GNB5: variants seen among roughly 807,000 people sequenced by gnomAD.
GNB5 encodes the protein guanine nucleotide-binding protein subunit beta-5.
GNB5 carries 37 observed loss-of-function variants against 55.3 expected under a neutral mutation model. The ratio of observed to expected loss-of-function variants is 0.67; its 90% CI spans 0.51 to 0.88. GNB5 has a LOEUF of 0.88. Among genes scored for constraint, GNB5 ranks in the 40% least tolerant of loss-of-function variants. GNB5 has a pLI of 0.00. For missense variants in GNB5, 476 were observed against 515.3 expected, an observed-to-expected ratio of 0.92 and a Z score of 0.74; for synonymous variants, 219 against 198.5, an observed-to-expected ratio of 1.10 and a Z score of -0.87.
chr15:52,148,320 G>A (rs1361456428), intron 5 of GNB5, among the ~76,000 whole-genome samples: 1 of 152,216 alleles, frequency 6.6e-6, no homozygotes, highest in African/African-American at 2.4e-5. Context: ...GGGAAGGTAT[G>A]AATGGGTCAG....
chr15:52,156,801 G>A (rs560987532), intron 3 of GNB5, among the ~76,000 whole-genome samples: 2 of 152,052 alleles, frequency 1.3e-5, no homozygotes, highest in Non-Finnish European at 1.5e-5. Context: ...CTACATGAAT[G>A]TTCAATTATT....
chr15:52,140,021 G>A (rs1378272365), intron 7 of GNB5: 10 of 1,128,530 alleles, frequency 8.9e-6, no homozygotes, highest in Non-Finnish European at 1.0e-5. Flanking sequence ...TGGCCACAGC[G>A]CCCCCTGGTG....
At chr15:52,179,669 C>T (rs1301112399) in intron 3 of GNB5, 99 bp downstream of exon 3, 5 of 694,662 alleles carry the variant, frequency 7.2e-6, no homozygotes, top group Admixed American at 9.5e-5. Flanking sequence ...GGCCTGGCTC[C>T]CGTCGCAGCC....
intron 6 of GNB5, among the ~76,000 whole-genome samples, chr15:52,143,580 G>A (rs1219418531): frequency 6.6e-6 from 1 of 152,216 alleles, no homozygotes; most frequent in Non-Finnish European, 1.5e-5. Context: ...TTGGGGGAAA[G>A]GGGATTGTGG....
rs2033172588 is a variant in GNB5 at position 52,117,647 on chromosome 15, T to C, written c.*5110A>G. 6.6e-6 allele frequency: 1 copy of C among 152,336 alleles called. No homozygotes were observed. The highest frequency in any genetic ancestry group is 1.5e-5 in the Non-Finnish European group (1 of 68,126). 9.4% of individuals were successfully genotyped at this position (152,336 alleles called of 1,614,324 possible). On this transcript the variant is annotated 3_prime_UTR_variant, in exon 13 of 13. Transcript: ENST00000261837. ...AGCCTGGCTCCAGCCAAGTGCTGTC[T>C]AGAAGCAGGAGTCTGTGGTATGTCT...
At chr15:52,133,763 G>C (rs2914782) in intron 8 of GNB5, among the ~76,000 whole-genome samples, 2 of 152,088 alleles carry the variant, frequency 1.3e-5, no homozygotes, top group Non-Finnish European at 2.9e-5. Flanking sequence ...ACCCTCCCCC[G>C]GGCATCTCCC....
intron 2 of GNB5, among the ~76,000 whole-genome samples, chr15:52,181,671 C>A (rs1247854380): frequency 6.6e-6 from 1 of 152,100 alleles, no homozygotes; most frequent in African/African-American, 2.4e-5. Flanking sequence ...TGGGTGAAGA[C>A]TTTAGCAGAC....
intron 9 of GNB5, among the ~76,000 whole-genome samples, chr15:52,129,377 G>C (rs1472914638): frequency 6.6e-6 from 1 of 152,128 alleles, no homozygotes; most frequent in Non-Finnish European, 1.5e-5. Flanking sequence ...AAAACATTTG[G>C]CAAAGGAGAG....
intron 3 of GNB5, among the ~76,000 whole-genome samples, chr15:52,156,991 A>G (rs981637042): frequency 1.4e-5 from 2 of 147,448 alleles, no homozygotes; most frequent in Non-Finnish European, 1.5e-5. Context: ...GCTGGAGTGC[A>G]GTGGCGGGAT....
At chr15:52,159,023 G>A (rs2141220268) in intron 3 of GNB5, among the ~76,000 whole-genome samples, 1 of 152,310 alleles carries the variant, frequency 6.6e-6, no homozygotes, top group Admixed American at 6.5e-5. Flanking sequence ...AAAAAGGTGA[G>A]TCAGATGAGA....
intron 9 of GNB5, among the ~76,000 whole-genome samples, chr15:52,131,467 G>A (rs1225541313): frequency 2.6e-5 from 4 of 151,998 alleles, no homozygotes; most frequent in African/African-American, 9.7e-5. Context: ...ATTTTATGTA[G>A]GATTCTGGTA....
At chr15:52,147,357 TA>T (rs2033998566) in intron 6 of GNB5, 101 bp downstream of exon 6, 1 of 779,946 alleles carries the variant, frequency 1.3e-6, no homozygotes, top group Non-Finnish European at 2.3e-6. Context: ...GCTAAACAAT[TA>T]AACAACAAAA....
chr15:52,121,742 T>G lies in GNB5; in HGVS notation c.*1015A>C, dbSNP rs539217852. On this transcript the variant is annotated 3_prime_UTR_variant, in exon 13 of 13. Transcript: ENST00000261837. ...CTCAGCCTCTCCGAGTAGCTGGGAC[T>G]ACAGGCGCCCGCCACCACGCCCGGC... 2.4e-4 allele frequency: 37 copies of G among 152,224 alleles called. No homozygotes were observed. Among genetic ancestry groups the G allele is most frequent in the Middle Eastern group, 3.4e-3 (1 of 294 alleles). The allele number at this position is 152,224 out of a possible 1,614,324, so 9.4% of individuals were successfully genotyped here. A position where few individuals can be genotyped will look rare whatever the true frequency, so the allele number is the denominator to read the frequency against.
At chr15:52,128,729 C>G in intron 9 of GNB5, 1 of 458,250 alleles carries the variant, frequency 2.2e-6, no homozygotes, top group Non-Finnish European at 4.4e-6. Context: ...ATATTTTCTG[C>G]TGTGAAGATT....
intron 1 of GNB5, among the ~76,000 whole-genome samples, chr15:52,187,273 A>G (rs553515542): frequency 2.6e-5 from 4 of 152,250 alleles, no homozygotes; most frequent in African/African-American, 9.6e-5. Flanking sequence ...CAGTAATAGC[A>G]TTAGGACGGT....
At chr15:52,127,768 G>C (rs1264983954) in intron 10 of GNB5, among the ~76,000 whole-genome samples, 5 of 151,284 alleles carry the variant, frequency 3.3e-5, no homozygotes, top group African/African-American at 1.2e-4. Flanking sequence ...AGAATGCTAA[G>C]GAAATGATGA....
intron 8 of GNB5, 126 bp from the exon 9 acceptor site, chr15:52,133,595 T>A: frequency 1.5e-6 from 1 of 655,210 alleles, no homozygotes; most frequent in Non-Finnish European, 2.8e-6. Context: ...CACACTTTTC[T>A]GAGACTAGCT....
intron 10 of GNB5, among the ~76,000 whole-genome samples, chr15:52,127,337 C>G (rs2033455548): frequency 6.6e-6 from 1 of 152,316 alleles, no homozygotes; most frequent in Admixed American, 6.5e-5. Context: ...TGTGGATTCA[C>G]TGCTTTGTAA....
intron 6 of GNB5, among the ~76,000 whole-genome samples, 161 bp from the exon 7 acceptor site, chr15:52,141,433 C>CT (rs879876222): frequency 3.5e-3 from 506 of 143,500 alleles, no homozygotes; most frequent in Middle Eastern, 0.014. Flanking sequence ...TTCTTTCTTT[C>CT]TTTTTTTTTT....
Sources: allele counts gnomAD v4.1 joint callset (sites outside exome capture counted in the v4.1 genomes callset), GRCh38; gene constraint gnomAD v4.1.1; transcripts MANE v1.5; gene names NCBI Gene and HGNC (gene_info 2026-07-23, HGNC 2026-07-21).